EYS: variants seen among roughly 807,000 people sequenced by gnomAD.
EYS encodes EGF-like photoreceptor maintenance factor.
A neutral mutation model predicts 282.1 loss-of-function variants in EYS; 250 were observed. The ratio of observed to expected loss-of-function variants is 0.89; its 90% confidence interval spans 0.80 to 0.98. EYS has a LOEUF of 0.98. EYS is among the 50% of genes least tolerant of loss of function. The pLI is 0.00. For missense variants in EYS, 4,016 were observed against 3,709.0 expected (o/e 1.08, Z -2.15); for synonymous variants, 1,355 against 1,282.9 (o/e 1.06, Z -1.20).
At chr6:65,215,436 C>G (rs913639885) in intron 12 of EYS, among the ~76,000 whole-genome samples, 14 of 152,142 alleles carry the variant, frequency 9.2e-5, no homozygotes, top group Non-Finnish European at 1.3e-4. Flanking sequence ...CTGCTGCAAT[C>G]TCATGATAAA....
chr6:65,584,347 G>A (rs1023262722), intron 2 of EYS, among the ~76,000 whole-genome samples: 15 of 152,000 alleles, frequency 9.9e-5, no homozygotes, highest in South Asian at 2.1e-4. Flanking sequence ...AATGGAACAG[G>A]AGAACTCCAC....
intron 1 of EYS, among the ~76,000 whole-genome samples, chr6:65,680,444 A>G (rs1423065643): frequency 2.0e-5 from 3 of 151,990 alleles, no homozygotes; most frequent in African/African-American, 7.2e-5. Context: ...TAAAAGCATC[A>G]TCAGCATTTT....
intron 5 of EYS, among the ~76,000 whole-genome samples, chr6:65,423,006 C>T (rs1370727554): frequency 2.0e-5 from 3 of 151,554 alleles, no homozygotes; most frequent in African/African-American, 7.3e-5. Context: ...AGTCAAAAAG[C>T]ACATGACAAT....
rs766583192 is a variant in EYS at position 65,005,590 on chromosome 6, C to G, written c.2138-7887G>C. Among the ~76,000 whole-genome samples, 4 of 147,414 alleles carry G rather than the reference C, an allele frequency of 2.7e-5. 1 individual carries two copies. Among genetic ancestry groups the G allele is most frequent in the Non-Finnish European group, 6.1e-5 (4 of 65,804 alleles). On this transcript the variant is annotated intron_variant, in intron 13 of 42. Transcript: ENST00000503581. ...CTTCCTTAGAACTGGAGGAAAATACCGGGCACCTGTCCGCCAGTTAAAAAC... is the reference window on the plus strand; with the variant it reads ...CTTCCTTAGAACTGGAGGAAAATACGGGGCACCTGTCCGCCAGTTAAAAAC...
intron 26 of EYS, among the ~76,000 whole-genome samples, chr6:64,560,146 A>G (rs1765351018): frequency 1.3e-5 from 2 of 152,056 alleles, no homozygotes. Flanking sequence ...CATCATTTTT[A>G]TAGTTCATAC....
chr6:64,292,003 A>G (rs1187459371), intron 30 of EYS, among the ~76,000 whole-genome samples: 2 of 152,148 alleles, frequency 1.3e-5, no homozygotes, highest in Non-Finnish European at 1.5e-5. Flanking sequence ...TCGTATTATT[A>G]CCAATATTAT....
At chr6:65,066,969 AGGTCAT>A (rs1773764634) in intron 12 of EYS, among the ~76,000 whole-genome samples, 1 of 152,146 alleles carries the variant, frequency 6.6e-6, no homozygotes, top group South Asian at 2.1e-4. Context: ...GAGGAGAGAA[AGGTCAT>A]GGTCTTTTAC....
chr6:65,330,308 T>C, intron 11 of EYS: 7 of 965,842 alleles, frequency 7.2e-6, no homozygotes, highest in Non-Finnish European at 8.6e-6. Context: ...TCTGTTATGA[T>C]ATTTCTGGTA....
intron 22 of EYS, among the ~76,000 whole-genome samples, chr6:64,683,080 A>G (rs1769958252): frequency 6.6e-6 from 1 of 152,226 alleles, no homozygotes. Context: ...CAGAGACTTT[A>G]GCTGCTGTAC....
intron 33 of EYS, among the ~76,000 whole-genome samples, chr6:64,011,858 T>G (rs997841415): frequency 4.6e-5 from 7 of 152,218 alleles, no homozygotes; most frequent in African/African-American, 1.7e-4. Flanking sequence ...TTGATGATGA[T>G]ACTGAATGCT....
At chr6:64,936,473 G>A (rs375865879) in intron 15 of EYS, among the ~76,000 whole-genome samples, 20 of 151,236 alleles carry the variant, frequency 1.3e-4, no homozygotes, top group South Asian at 2.1e-4. Context: ...AGAAAAAAAC[G>A]TATCAATATT....
At chr6:65,138,714 C>G (rs1196182875) in intron 12 of EYS, among the ~76,000 whole-genome samples, 1 of 151,974 alleles carries the variant, frequency 6.6e-6, no homozygotes, top group African/African-American at 2.4e-5. Context: ...ATAGCACCCC[C>G]AAATGCCTGC....
rs1766685220 is a variant in EYS, at chr6:65,506,999, C to A, written c.-332-11006G>T. On this transcript the variant is annotated intron_variant, in intron 2 of 42. Coordinates refer to ENST00000503581, the MANE Select transcript of EYS (RefSeq NM_001142800.2). ...ATAACTATTAATAAGGAAAAGAAGG[C>A]ATTTTGTTTTATCTTTATTTATTCC... is the stretch of plus-strand genomic sequence containing the variant. 2.6e-5 allele frequency among the ~76,000 whole-genome samples: 4 copies of A among 152,180 alleles called. No individual in the cohort carries two copies. The South Asian group carries it at 8.3e-4, about 32-fold the overall frequency.
chr6:65,044,841 C>T, intron 13 of EYS, among the ~76,000 whole-genome samples: 1 of 151,704 alleles, frequency 6.6e-6, no homozygotes, highest in Non-Finnish European at 1.5e-5. Context: ...TCTTGAATTC[C>T]CCAGCCCCTT....
chr6:64,142,452 C>T (rs2150288938), intron 31 of EYS, among the ~76,000 whole-genome samples: 1 of 151,998 alleles, frequency 6.6e-6, no homozygotes, highest in South Asian at 2.1e-4. Flanking sequence ...GAAAACATGG[C>T]CAGGTCAGTG....
At chr6:64,795,842 A>G (rs906352078) in intron 22 of EYS, among the ~76,000 whole-genome samples, 1 of 152,200 alleles carries the variant, frequency 6.6e-6, no homozygotes, top group Non-Finnish European at 1.5e-5. Flanking sequence ...TCAAACATAT[A>G]CATGCTCAGA....
At chr6:64,456,001 T>C (rs185850002) in intron 26 of EYS, among the ~76,000 whole-genome samples, 28 of 152,274 alleles carry the variant, frequency 1.8e-4, no homozygotes, top group Middle Eastern at 3.4e-3. Context: ...ATGAATTTCA[T>C]TTTTAATAAT....
intron 19 of EYS, among the ~76,000 whole-genome samples, chr6:64,861,395 C>T (rs141925887): frequency 6.2e-4 from 94 of 152,332 alleles, no homozygotes; most frequent in African/African-American, 2.2e-3. Flanking sequence ...GGAGCAGGCA[C>T]CTCTGAGCCA....
intron 36 of EYS, among the ~76,000 whole-genome samples, chr6:63,830,685 G>C (rs1277295652): frequency 3.9e-5 from 6 of 152,146 alleles, no homozygotes; most frequent in Non-Finnish European, 8.8e-5. Context: ...AGCAAGGCAG[G>C]CCAACATTCA....
Sources: allele counts gnomAD v4.1 joint callset (sites outside exome capture counted in the v4.1 genomes callset), GRCh38; gene constraint gnomAD v4.1.1; transcripts MANE v1.5; gene names NCBI Gene and HGNC (gene_info 2026-07-23, HGNC 2026-07-21).